Variants in CD2BP2 observed in about 807,000 individuals in gnomAD.
CD2BP2 encodes CD2 cytoplasmic tail binding protein 2, also known as CD2 antigen cytoplasmic tail-binding protein 2.
CD2BP2 carries 27 observed loss-of-function variants against 35.9 expected under a neutral mutation model. The observed-to-expected ratio is 0.75, with a 90% CI of 0.55 to 1.04. The LOEUF (loss-of-function observed/expected upper bound fraction) is 1.04. Among genes scored for constraint, CD2BP2 ranks in the 50% least tolerant of loss-of-function variants. CD2BP2 has a pLI of 0.00. For missense variants in CD2BP2, 497 were observed against 444.3 expected (o/e 1.12, Z -1.07); for synonymous variants, 213 against 173.5 (o/e 1.23, Z -1.79).
intron 4 of CD2BP2, 31 bp downstream of exon 4, chr16:30,353,870 G>A (rs756604650): frequency 1.9e-6 from 3 of 1,611,976 alleles, no homozygotes; most frequent in East Asian, 4.5e-5. Context: ...GCCACTCCCA[G>A]GCCCCAGCCA....
chr16:30,350,798 T>G lies in CD2BP2; in HGVS notation c.*2187A>C, dbSNP rs2049475879. 1 of 152,214 alleles carries G rather than the reference T, an allele frequency of 6.6e-6. No homozygotes were observed. The highest frequency in any genetic ancestry group is 1.9e-4 in the East Asian group (1 of 5,202). 9.4% of individuals were successfully genotyped at this position (152,214 alleles called of 1,614,324 possible). ...TTGAAAACCACACCAATTTATTATC[T>G]TACAGTTCTAGAGGTCAGGAGTCCA... On this transcript the variant is annotated 3_prime_UTR_variant, in exon 7 of 7. Transcript: ENST00000305596.
Position 30,354,718 on chromosome 16 carries a change from G to T in CD2BP2, c.-26-11C>A, listed in dbSNP as rs35480350. ...GAGGTGTTTCTCAAGCTGAGGAAAG[G>T]ATGCAGAGGAAGGGAACCGGGTGAG... On this transcript the variant is annotated splice_polypyrimidine_tract_variant and intron_variant, in intron 1 of 6. Coordinates refer to ENST00000305596, the MANE Select transcript of CD2BP2 (RefSeq NM_006110.3). 16 of 1,597,170 alleles carry T rather than the reference G, an allele frequency of 1.0e-5. No individual in the cohort carries two copies. In the East Asian group the frequency reaches 3.3e-4, roughly 33 times the overall value.
Position 30,354,019 on chromosome 16 carries a change from C to A in CD2BP2, c.257G>T (p.Arg86Leu), listed in dbSNP as rs769046114. 1 of 1,614,002 alleles carries A rather than the reference C, an allele frequency of 6.2e-7. No homozygotes were observed. Among genetic ancestry groups the A allele is most frequent in the East Asian group, 2.2e-5 (1 of 44,890 alleles). ...AATLPSEGGVRITPFNLQEEM... is the reference protein window; with the variant it reads ...AATLPSEGGVLITPFNLQEEM... ...CTCCTGCAGGTTAAAGGGTGTGATC[C>A]GAACACCCCCCTCGCTGGGGAGTGT... The change falls in exon 4 of 7, where the codon CGG (arginine) becomes CTG (leucine). Residue 86 changes from arginine (R) to leucine (L), a missense_variant. Arg to Leu is a moderately radical substitution (Grantham distance 102, BLOSUM62 -2). Coordinates refer to ENST00000305596, the MANE Select transcript of CD2BP2 (RefSeq NM_006110.3).
At position 30,353,933 on chromosome 16, in the gene CD2BP2, T is replaced by C; in HGVS notation, c.343A>G (p.Ile115Val). Reference sequence around the variant, plus strand: ...ATGTTGTCCAGCCAGCTGTCTCGGATCTGAGCATCCCGGTTCAGGAAGTAG... The same window carrying C: ...ATGTTGTCCAGCCAGCTGTCTCGGACCTGAGCATCCCGGTTCAGGAAGTAG... ...GNYFLNRDAQIRDSWLDNIDW... is the reference protein window; with the variant it reads ...GNYFLNRDAQVRDSWLDNIDW... Residue 115 changes from isoleucine (I) to valine (V), a missense_variant, in exon 4 of 7, where the codon ATC becomes GTC. Transcript: ENST00000305596. 1.2e-6 allele frequency: 2 copies of C among 1,614,112 alleles called. No homozygotes were observed. The highest frequency in any genetic ancestry group is 2.2e-5 in the East Asian group (1 of 44,866).
Position 30,354,614 on chromosome 16 carries a change from G to C in CD2BP2, c.68C>G (p.Pro23Arg), listed in dbSNP as rs765812834. The C allele has an allele frequency of 1.2e-6, 2 of 1,613,734 alleles. No individual in the cohort carries two copies. The highest frequency in any genetic ancestry group is 1.7e-6 in the Non-Finnish European group (2 of 1,179,840). ...GTCTGGCCCCCTCACCTTCTTCTTG[G>C]GGACAATGATTTCATCCTCATCCTC... ...DEEDEDEIIV[P>R]KKKLVDPVAG... The change falls in exon 2 of 7, where the codon CCC becomes CGC. Residue 23 changes from proline (P) to arginine (R), a missense_variant. Transcript: ENST00000305596.
At position 30,353,256 on chromosome 16, in the gene CD2BP2, A is replaced by G; in HGVS notation, c.840T>C (p.Asp280=). 6.2e-7 allele frequency: 1 copy of G among 1,614,072 alleles called. No homozygotes were observed. The highest frequency in any genetic ancestry group is 8.5e-7 in the Non-Finnish European group (1 of 1,180,006). Residue 280 remains aspartate (D), a synonymous_variant, in exon 6 of 7, where the codon GAT becomes GAC. Transcript: ENST00000305596. ...EAESRGDGLV[D]VMWEYKWENT... ...TCTCCCACTTATATTCCCACATCAC[A>G]TCCACCAGACCATCTCCCCGCGACT...
rs755184653 is a variant in CD2BP2 at position 30,353,244 on chromosome 16, T to C, written c.852A>G (p.Glu284=). Residue 284 remains glutamate, a synonymous_variant, in exon 6 of 7, where the codon GAA becomes GAG. Coordinates refer to ENST00000305596, the MANE Select transcript of CD2BP2 (RefSeq NM_006110.3). The stretch of plus-strand genomic sequence containing the variant: ...CATCCCCCGTGTTCTCCCACTTATA[T>C]TCCCACATCACATCCACCAGACCAT... The part of the protein sequence containing the change: ...RGDGLVDVMW[E]YKWENTGDAE... 28 of 1,614,006 alleles carry C rather than the reference T, an allele frequency of 1.7e-5. 1 individual carries two copies. The Admixed American group carries it at 4.2e-4, about 24-fold the overall frequency.
chr16:30,351,561 C>CA lies in CD2BP2; in HGVS notation c.*1423dup. 6.6e-6 allele frequency: 1 copy of CA among 152,242 alleles called. No homozygotes were observed. The highest frequency in any genetic ancestry group is 1.9e-4 in the East Asian group (1 of 5,196). The allele number at this position is 152,242 out of a possible 1,614,324, so 9.4% of individuals were successfully genotyped here. On this transcript the variant is annotated 3_prime_UTR_variant, in exon 7 of 7. Coordinates refer to ENST00000305596, the MANE Select transcript of CD2BP2 (RefSeq NM_006110.3). ...TGTGAGCAGGCACTAGAAGGGGCCTCACAAGAGTGTCAGGTGACCCCACTC... is the reference window on the plus strand; with the variant it reads ...TGTGAGCAGGCACTAGAAGGGGCCTCAACAAGAGTGTCAGGTGACCCCACTC...
In CD2BP2 at chr16:30,352,506, C is replaced by T. The variant is rs1021057055; in HGVS notation, c.*479G>A. 3 of 166,226 alleles carry T rather than the reference C, an allele frequency of 1.8e-5. No individual in the cohort carries two copies. The highest frequency in any genetic ancestry group is 7.2e-5 in the African/African-American group (3 of 41,618). The allele number at this position is 166,226 out of a possible 1,614,324, so 10.3% of individuals were successfully genotyped here. A position where few individuals can be genotyped will look rare whatever the true frequency, so the allele number is the denominator to read the frequency against. On this transcript the variant is annotated 3_prime_UTR_variant, in exon 7 of 7. Transcript: ENST00000305596. ...GAGAGTAAGAGGGTTCCATGCTCAC[C>T]CCCAACAGGGTCCCAATGTCTTCTC...
Position 30,352,882 on chromosome 16 carries a change from T to C in CD2BP2, c.*103A>G. Reference sequence around the variant, plus strand: ...AAGGCTTTTATTGGGAAAGGGAAATTGACTGAAAAATGGCCTCCAATTTCC... The same window carrying C: ...AAGGCTTTTATTGGGAAAGGGAAATCGACTGAAAAATGGCCTCCAATTTCC... On this transcript the variant is annotated 3_prime_UTR_variant, in exon 7 of 7. Coordinates refer to ENST00000305596, the MANE Select transcript of CD2BP2 (RefSeq NM_006110.3). 1 of 750,534 alleles carries C rather than the reference T, an allele frequency of 1.3e-6. No individual in the cohort carries two copies. Among genetic ancestry groups the C allele is most frequent in the Non-Finnish European group, 2.4e-6 (1 of 425,086 alleles). 46.5% of individuals were successfully genotyped at this position (750,534 alleles called of 1,614,324 possible).
In CD2BP2 at chr16:30,352,771, C is replaced by A; in HGVS notation, c.*214G>T. The A allele has an allele frequency of 1.7e-6, 1 of 581,086 alleles. No homozygotes were observed. Among genetic ancestry groups the A allele is most frequent in the Non-Finnish European group, 3.1e-6 (1 of 325,696 alleles). 36.0% of individuals were successfully genotyped at this position (581,086 alleles called of 1,614,324 possible). On this transcript the variant is annotated 3_prime_UTR_variant, in exon 7 of 7. Coordinates refer to ENST00000305596, the MANE Select transcript of CD2BP2 (RefSeq NM_006110.3). ...CAAGAAGGATCTTCATGGGAGTACTCAGGGACCAAGACAAGTCCAAAGGGA... is the reference window on the plus strand; with the variant it reads ...CAAGAAGGATCTTCATGGGAGTACTAAGGGACCAAGACAAGTCCAAAGGGA...
intron 1 of CD2BP2, 83 bp from the exon 2 acceptor site, chr16:30,354,790 C>G (rs565407988): frequency 3.7e-5 from 36 of 985,750 alleles, no homozygotes; most frequent in Non-Finnish European, 5.5e-5. Context: ...TTTTCCTGGT[C>G]TGTGACAGGT....
In CD2BP2 at chr16:30,353,112, G is replaced by A; in HGVS notation, c.916-17C>T. The A allele has an allele frequency of 6.2e-7, 1 of 1,610,960 alleles. No individual in the cohort carries two copies. The highest frequency in any genetic ancestry group is 8.5e-7 in the Non-Finnish European group (1 of 1,177,056). On this transcript the variant is annotated splice_polypyrimidine_tract_variant and intron_variant, in intron 6 of 6. Transcript: ENST00000305596. ...CACCCAGGTCTGCAAGGAGAGGGCAGAGCTGGGGAACAACTGACAGGAGTG... is the reference window on the plus strand; with the variant it reads ...CACCCAGGTCTGCAAGGAGAGGGCAAAGCTGGGGAACAACTGACAGGAGTG...
Position 30,353,758 on chromosome 16 carries a change from C to A in CD2BP2, c.418G>T (p.Asp140Tyr). 6.2e-7 allele frequency: 1 copy of A among 1,607,140 alleles called. No homozygotes were observed. The highest frequency in any genetic ancestry group is 8.5e-7 in the Non-Finnish European group (1 of 1,176,516). The change falls in exon 5 of 7, where the codon GAC becomes TAC. Residue 140 changes from aspartate to tyrosine, a missense_variant. Asp to Tyr is a radical substitution (Grantham distance 160). Coordinates refer to ENST00000305596, the MANE Select transcript of CD2BP2 (RefSeq NM_006110.3). ...CCCAAGCTGTCCTCCTCCTCCGAGT[C>A]TGAGGCCTGGCGCTGGCCAGGTGGC... ...ERPPGQRQAS[D>Y]SEEEDSLGQT... is the part of the protein sequence containing the mutation.
intron 1 of CD2BP2, 119 bp from the exon 2 acceptor site, chr16:30,354,826 A>G: frequency 1.3e-6 from 1 of 765,750 alleles, no homozygotes; most frequent in East Asian, 2.5e-5. Context: ...AGGGAGCACA[A>G]AAGCAGGGGC....
In CD2BP2 at chr16:30,354,707, G is replaced by A. The variant is rs1057258799; in HGVS notation, c.-26C>T. On this transcript the variant is annotated splice_region_variant and 5_prime_UTR_variant, in exon 2 of 7. Transcript: ENST00000305596. ...GACGGGGCAAAGAGGTGTTTCTCAA[G>A]CTGAGGAAAGGATGCAGAGGAAGGG... 9.3e-6 allele frequency: 15 copies of A among 1,607,818 alleles called. No individual in the cohort carries two copies. The highest frequency in any genetic ancestry group is 8.9e-5 in the East Asian group (4 of 44,846).
chr16:30,353,385 G>A lies in CD2BP2; in HGVS notation c.791C>T (p.Thr264Ile), dbSNP rs2049500885. 2 of 1,614,084 alleles carry A rather than the reference G, an allele frequency of 1.2e-6. No homozygotes were observed. Among genetic ancestry groups the A allele is most frequent in the East Asian group, 4.5e-5 (2 of 44,878 alleles). Reference protein sequence around the residue: ...ELAEEELETPTPTQRGEAESR... With the variant: ...ELAEEELETPIPTQRGEAESR... ...AAGCTCACCTCCTCTCTGGGTAGGG[G>A]TTGGGGTCTCCAGTTCCTCCTCCGC... Residue 264 changes from threonine to isoleucine, a missense_variant, in exon 5 of 7, where the codon ACC (threonine) becomes ATC (isoleucine). Thr to Ile is a moderately conservative substitution (Grantham distance 89). Transcript: ENST00000305596.
rs1368138518 is a variant in CD2BP2 at position 30,353,383 on chromosome 16, G to C, written c.793C>G (p.Pro265Ala). ...LAEEELETPT[P>A]TQRGEAESRG... ...CCAAGCTCACCTCCTCTCTGGGTAG[G>C]GGTTGGGGTCTCCAGTTCCTCCTCC... Residue 265 changes from proline to alanine, a missense_variant, in exon 5 of 7, where the codon CCT (proline) becomes GCT (alanine). Physicochemically the swap from Pro to Ala is conservative, Grantham distance 27. Transcript: ENST00000305596. 9 of 1,613,930 alleles carry C rather than the reference G, an allele frequency of 5.6e-6. No homozygotes were observed. Among genetic ancestry groups the C allele is most frequent in the South Asian group, 1.1e-5 (1 of 91,086 alleles).
At position 30,353,372 on chromosome 16, in the gene CD2BP2, T is replaced by G. The variant is rs763470746; in HGVS notation, c.804A>C (p.Arg268Ser). The G allele has an allele frequency of 6.2e-7, 1 of 1,613,848 alleles. No individual in the cohort carries two copies. Among genetic ancestry groups the G allele is most frequent in the East Asian group, 2.2e-5 (1 of 44,888 alleles). Residue 268 changes from arginine (R) to serine (S), a missense_variant, in exon 5 of 7, where the codon AGA (arginine) becomes AGC (serine). Transcript: ENST00000305596. ...TCCTCTGTCCTCCAAGCTCACCTCC[T>G]CTCTGGGTAGGGGTTGGGGTCTCCA... ...EELETPTPTQRGEAESRGDGL... is the reference protein window; with the variant it reads ...EELETPTPTQSGEAESRGDGL...
Sources: allele counts gnomAD v4.1 joint callset, GRCh38; gene constraint gnomAD v4.1.1; transcripts MANE v1.5; gene names NCBI Gene and HGNC (gene_info 2026-07-23, HGNC 2026-07-21).